Variants in NXPE2 observed in about 807,000 individuals in gnomAD.
The protein encoded by NXPE2 is NXPE family member 2.
A neutral mutation model predicts 34.4 loss-of-function variants in NXPE2; 34 were observed. The observed-to-expected ratio is 0.99, with a 90% confidence interval of 0.75 to 1.31. NXPE2 has a LOEUF of 1.31. Ranked by LOEUF, NXPE2 falls within the 40% of genes most tolerant of loss-of-function variation. NXPE2 has a pLI of 0.00. For synonymous variants in NXPE2, 235 were observed against 231.3 expected (o/e 1.02, Z -0.15); for missense variants, 649 against 672.5 (o/e 0.97, Z 0.39).
chr11:114,784,222 A>G, the NXPE2 span, among the ~76,000 whole-genome samples: 11 of 152,216 alleles, frequency 7.2e-5, no homozygotes, highest in African/African-American at 2.2e-4. Flanking sequence ...GACCTCACAC[A>G]TTCTATGAGA....
At chr11:114,659,089 T>C in the NXPE2 span, among the ~76,000 whole-genome samples, 1 of 152,200 alleles carries the variant, frequency 6.6e-6, no homozygotes, top group East Asian at 1.9e-4. Context: ...CAAGCACAGC[T>C]GGACTGACTA....
At chr11:114,540,885 T>TTTTTTTTTTTTTTTTTTTTTTTTTG in the NXPE2 span, among the ~76,000 whole-genome samples, 2 of 81,242 alleles carry the variant, frequency 2.5e-5, 1 homozygote, top group Non-Finnish European at 4.9e-5. Flanking sequence ...TTTTTTTTTT[T>TTTTTTTTTTTTTTTTTTTTTTTTTG]GGCTTGAACA....
the NXPE2 span, chr11:114,527,780 G>A: frequency 8.6e-7 from 1 of 1,162,138 alleles, no homozygotes; most frequent in Middle Eastern, 2.0e-4. Flanking sequence ...CAATTATTTA[G>A]GTTAATGCTG....
At chr11:114,727,184 C>G in the NXPE2 span, among the ~76,000 whole-genome samples, 1 of 152,010 alleles carries the variant, frequency 6.6e-6, no homozygotes, top group Non-Finnish European at 1.5e-5. Flanking sequence ...ACACTATATA[C>G]TGGGGGGCTT....
the NXPE2 span, chr11:114,523,240 AT>A: frequency 1.6e-6 from 1 of 623,212 alleles, no homozygotes. Context: ...TTCTTTGATC[AT>A]TAGCTTTGCT....
chr11:114,765,865 A>G, the NXPE2 span, among the ~76,000 whole-genome samples: 1 of 152,094 alleles, frequency 6.6e-6, no homozygotes, highest in Non-Finnish European at 1.5e-5. Flanking sequence ...TTCTTCTGAG[A>G]GCTGACTGTC....
chr11:114,683,148 A>G (rs1950977591), intron 2 of NXPE2, among the ~76,000 whole-genome samples: 1 of 152,044 alleles, frequency 6.6e-6, no homozygotes, highest in Non-Finnish European at 1.5e-5. Flanking sequence ...ATCTTATAAA[A>G]GTTTTTGAGT....
chr11:114,528,043 G>T, the NXPE2 span: 1 of 584,650 alleles, frequency 1.7e-6, no homozygotes, highest in Non-Finnish European at 2.9e-6. Flanking sequence ...TAGATATATT[G>T]GGTATTGTAA....
chr11:114,660,964 T>C, the NXPE2 span, among the ~76,000 whole-genome samples: 2 of 152,284 alleles, frequency 1.3e-5, no homozygotes, highest in East Asian at 3.9e-4. Context: ...ATTGTTATTC[T>C]GTCAATCATC....
chr11:114,625,715 C>A, the NXPE2 span, among the ~76,000 whole-genome samples: 1 of 152,142 alleles, frequency 6.6e-6, no homozygotes, highest in Non-Finnish European at 1.5e-5. Flanking sequence ...CAGCTCCCAG[C>A]ATGAGCGACG....
chr11:114,737,757 G>A, the NXPE2 span, among the ~76,000 whole-genome samples: 2 of 152,056 alleles, frequency 1.3e-5, no homozygotes, highest in Admixed American at 1.3e-4. Flanking sequence ...GAAGGTTGAG[G>A]ATCAAAAGAC....
At chr11:114,502,385 C>G in the NXPE2 span, among the ~76,000 whole-genome samples, 2 of 152,098 alleles carry the variant, frequency 1.3e-5, no homozygotes, top group African/African-American at 4.8e-5. Flanking sequence ...TTTTATATTT[C>G]CATCCTCTTT....
intron 3 of NXPE2, among the ~76,000 whole-genome samples, chr11:114,703,757 AT>A (rs1342937978): frequency 1.3e-5 from 2 of 152,258 alleles, no homozygotes; most frequent in East Asian, 3.9e-4. Flanking sequence ...GATAGATTTG[AT>A]GGATTGCGTA....
the NXPE2 span, among the ~76,000 whole-genome samples, chr11:114,574,117 G>A: frequency 6.6e-6 from 1 of 151,974 alleles, no homozygotes; most frequent in African/African-American, 2.4e-5. Context: ...TGATCATTGA[G>A]TCAACAATAA....
At chr11:114,700,393 G>A (rs1355817663) in intron 3 of NXPE2, among the ~76,000 whole-genome samples, 3 of 152,204 alleles carry the variant, frequency 2.0e-5, no homozygotes, top group Non-Finnish European at 4.4e-5. Flanking sequence ...CCTGAGTTAA[G>A]TGAGGGAGTA....
the NXPE2 span, among the ~76,000 whole-genome samples, chr11:114,580,690 G>T: frequency 6.6e-6 from 1 of 152,086 alleles, no homozygotes. Flanking sequence ...TATCATTTTA[G>T]CTCACTTTAC....
At chr11:114,701,869 T>C (rs909281297) in intron 3 of NXPE2, among the ~76,000 whole-genome samples, 4 of 152,218 alleles carry the variant, frequency 2.6e-5, no homozygotes, top group Non-Finnish European at 5.9e-5. Context: ...ACCTAATATA[T>C]GGAGAGCTGA....
At chr11:114,707,851 A>T (rs1333446665), downstream of NXPE2, among the ~76,000 whole-genome samples, 2 of 152,184 alleles carry the variant, frequency 1.3e-5, no homozygotes, top group Non-Finnish European at 2.9e-5. Flanking sequence ...GTTCATCCAT[A>T]TTGTAGCATT....
At chr11:114,591,740 C>A in the NXPE2 span, among the ~76,000 whole-genome samples, 3 of 152,092 alleles carry the variant, frequency 2.0e-5, no homozygotes, top group Non-Finnish European at 4.4e-5. Flanking sequence ...ATTCCATGCC[C>A]CCTCATGGAA....
Sources: allele counts gnomAD v4.1 joint callset (sites outside exome capture counted in the v4.1 genomes callset), GRCh38; gene constraint gnomAD v4.1.1; transcripts MANE v1.5; gene names NCBI Gene and HGNC (gene_info 2026-07-23, HGNC 2026-07-21).